BTRC: variants seen among roughly 807,000 people sequenced by gnomAD.
The protein encoded by BTRC is F-box/WD repeat-containing protein 1A.
A neutral mutation model predicts 85.5 loss-of-function variants in BTRC; 42 were observed. The ratio of observed to expected loss-of-function variants is 0.49; its 90% CI spans 0.38 to 0.64. BTRC has a LOEUF of 0.64. Ranked by LOEUF, BTRC falls within the 30% of genes least tolerant of loss-of-function variation. The probability of loss-of-function intolerance (pLI) is 0.00; values close to 1 mark genes in which losing one functional copy is unlikely to be tolerated. For missense variants in BTRC, 594 were observed against 743.5 expected, an observed-to-expected ratio of 0.80 and a Z score of 2.34; for synonymous variants, 255 against 263.3, an observed-to-expected ratio of 0.97 and a Z score of 0.30.
At chr10:101,538,460 A>C in intron 13 of BTRC, 89 bp downstream of exon 13, 1 of 1,224,132 alleles carries the variant, frequency 8.2e-7, no homozygotes, top group Non-Finnish European at 1.2e-6. Flanking sequence ...ATTTGAATTT[A>C]ATAGTTACAA....
chr10:101,406,279 C>G (rs1943618086), intron 1 of BTRC, among the ~76,000 whole-genome samples: 1 of 151,094 alleles, frequency 6.6e-6, no homozygotes, highest in South Asian at 2.1e-4. Context: ...CGGGTTCATG[C>G]CATTCTCCTG....
intron 1 of BTRC, among the ~76,000 whole-genome samples, chr10:101,355,094 G>GTTA (rs1941996404): frequency 6.6e-6 from 1 of 152,174 alleles, no homozygotes; most frequent in African/African-American, 2.4e-5. Flanking sequence ...ATCTAATAGG[G>GTTA]TAAGCAAAAC....
At chr10:101,368,377 T>G (rs1942531391) in intron 1 of BTRC, among the ~76,000 whole-genome samples, 1 of 152,138 alleles carries the variant, frequency 6.6e-6, no homozygotes, top group Non-Finnish European at 1.5e-5. Flanking sequence ...AAACCTTTTT[T>G]TATTATGAAT....
intron 2 of BTRC, among the ~76,000 whole-genome samples, chr10:101,431,637 G>A (rs1467687412): frequency 1.3e-5 from 2 of 152,064 alleles, no homozygotes; most frequent in Non-Finnish European, 2.9e-5. Flanking sequence ...TTAACCTGTT[G>A]TTCATATCTA....
At chr10:101,483,402 A>C (rs541031970) in intron 4 of BTRC, among the ~76,000 whole-genome samples, 1 of 152,318 alleles carries the variant, frequency 6.6e-6, no homozygotes, top group African/African-American at 2.4e-5. Context: ...AGACCAGCCC[A>C]ACCAACATGG....
chr10:101,358,094 G>A (rs1225884620), intron 1 of BTRC, among the ~76,000 whole-genome samples: 3 of 152,042 alleles, frequency 2.0e-5, no homozygotes, highest in Non-Finnish European at 4.4e-5. Flanking sequence ...ACATACTGAG[G>A]AGGAATTTGA....
rs374108354 is a variant in BTRC, at chr10:101,542,721, G to A, written c.1656+4350G>A. Among the ~76,000 whole-genome samples the A allele has an allele frequency of 1.2e-4, 18 of 152,200 alleles. No homozygotes were observed. In the East Asian group the frequency reaches 3.1e-3, roughly 26 times the overall value. On this transcript the variant is annotated intron_variant, in intron 13 of 14. Transcript: ENST00000370187. The stretch of plus-strand genomic sequence containing the variant: ...TGAGTAGCTGGGACCACAGGCGTGC[G>A]CCACCACGTCCAGCTAATTTTTTTG...
At chr10:101,489,494 C>T (rs1946074820) in intron 4 of BTRC, among the ~76,000 whole-genome samples, 1 of 152,056 alleles carries the variant, frequency 6.6e-6, no homozygotes, top group African/African-American at 2.4e-5. Flanking sequence ...GGTTCATAAG[C>T]TCTCCATGAA....
intron 4 of BTRC, among the ~76,000 whole-genome samples, chr10:101,516,766 G>C (rs1344148200): frequency 3.3e-5 from 5 of 152,056 alleles, no homozygotes; most frequent in African/African-American, 1.2e-4. Flanking sequence ...GACTCCTTAT[G>C]ATTATAGCAA....
Position 101,550,798 on chromosome 10 carries a change from C to G in BTRC, c.1756C>G (p.Pro586Ala). 1 of 1,614,050 alleles carries G rather than the reference C, an allele frequency of 6.2e-7. No homozygotes were observed. Among genetic ancestry groups the G allele is most frequent in the Non-Finnish European group, 8.5e-7 (1 of 1,179,984 alleles). ...TILIWDFLND[P>A]AAQAEPPRSP... ...CCTCATCTGGGACTTCCTAAATGATCCAGCTGCCCAAGCTGAACCCCCCCG... is the reference window on the plus strand; with the variant it reads ...CCTCATCTGGGACTTCCTAAATGATGCAGCTGCCCAAGCTGAACCCCCCCG... Residue 586 changes from proline (P) to alanine (A), a missense_variant, in exon 14 of 15, where the codon CCA becomes GCA. By Grantham distance (27) the Pro-to-Ala change is conservative. This residue lies in a region of BTRC where 56 missense variants were observed against 39.6 expected (regional missense o/e 1.41). Transcript: ENST00000370187.
At chr10:101,501,229 G>A (rs778584706) in intron 4 of BTRC, among the ~76,000 whole-genome samples, 11 of 151,870 alleles carry the variant, frequency 7.2e-5, no homozygotes, top group Non-Finnish European at 1.0e-4. Flanking sequence ...CCAATATGAT[G>A]GGTTTTAAGT....
At chr10:101,393,669 GTCT>G (rs1290468670) in intron 1 of BTRC, among the ~76,000 whole-genome samples, 1 of 152,162 alleles carries the variant, frequency 6.6e-6, no homozygotes, top group Non-Finnish European at 1.5e-5. Context: ...TCACAGAGAA[GTCT>G]TCTGTGTTGA....
chr10:101,468,405 G>T (rs963413004), intron 3 of BTRC, among the ~76,000 whole-genome samples: 1 of 151,788 alleles, frequency 6.6e-6, no homozygotes, highest in South Asian at 2.1e-4. Flanking sequence ...GGCGGGGGGT[G>T]GGGTGGGAGG....
chr10:101,414,967 G>C (rs1283721111), intron 1 of BTRC, among the ~76,000 whole-genome samples: 1 of 151,972 alleles, frequency 6.6e-6, no homozygotes, highest in Non-Finnish European at 1.5e-5. Context: ...TATTACTAAA[G>C]AGACAAAAGT....
At chr10:101,415,563 C>T (rs1232226396) in intron 1 of BTRC, among the ~76,000 whole-genome samples, 3 of 137,060 alleles carry the variant, frequency 2.2e-5, no homozygotes, top group Non-Finnish European at 3.1e-5. Context: ...TATTTTGAGA[C>T]AGAGTTTCAC....
intron 2 of BTRC, 29 bp downstream of exon 2, chr10:101,430,481 G>A (rs758188804): frequency 6.3e-7 from 1 of 1,576,662 alleles, no homozygotes; most frequent in South Asian, 1.1e-5. Flanking sequence ...TGGGTTATTT[G>A]CGGGCATTAG....
chr10:101,413,199 A>T (rs1943830593), intron 1 of BTRC, among the ~76,000 whole-genome samples: 1 of 152,208 alleles, frequency 6.6e-6, no homozygotes, highest in African/African-American at 2.4e-5. Flanking sequence ...ATCTCGGCTC[A>T]CTGCAACCTC....
Position 101,536,759 on chromosome 10 carries a change from T to C in BTRC, c.1577+106T>C, listed in dbSNP as rs371755500. ...TTCCTTGTTTCTAAAAGCTTATAGA[T>C]TTTACACAAAATATCTGATACCATA... On this transcript the variant is annotated intron_variant, in intron 12 of 14. Coordinates refer to ENST00000370187, the MANE Select transcript of BTRC (RefSeq NM_033637.4). 7.5e-5 allele frequency: 61 copies of C among 812,442 alleles called. No individual in the cohort carries two copies. The East Asian group carries it at 1.5e-3, about 20-fold the overall frequency. 50.3% of individuals were successfully genotyped at this position (812,442 alleles called of 1,614,324 possible). A position where few individuals can be genotyped will look rare whatever the true frequency, so the allele number is the denominator to read the frequency against.
intron 2 of BTRC, among the ~76,000 whole-genome samples, chr10:101,437,366 T>C (rs1944558691): frequency 6.6e-6 from 1 of 152,200 alleles, no homozygotes; most frequent in Non-Finnish European, 1.5e-5. Flanking sequence ...TAGATTAACA[T>C]GTTAGTGTCC....
Sources: allele counts gnomAD v4.1 joint callset (sites outside exome capture counted in the v4.1 genomes callset), GRCh38; gene constraint gnomAD v4.1.1; regional missense constraint gnomAD v4.1.1; transcripts MANE v1.5; gene names NCBI Gene and HGNC (gene_info 2026-07-23, HGNC 2026-07-21).